DEFB106B: variants seen among roughly 807,000 people sequenced by gnomAD.
The protein encoded by DEFB106B is defensin beta 106B.
At chr8:7,484,101 T>C (rs951182225) in intron 1 of DEFB106B, among the ~76,000 whole-genome samples, 2 of 138,146 alleles carry the variant, frequency 1.4e-5, no homozygotes, top group African/African-American at 5.3e-5. Flanking sequence ...CTATACTATA[T>C]ACTAGAGTAT....
At chr8:7,483,820 C>G (rs1440225434) in intron 1 of DEFB106B, among the ~76,000 whole-genome samples, 1 of 132,152 alleles carries the variant, frequency 7.6e-6, no homozygotes, top group Non-Finnish European at 1.6e-5. Flanking sequence ...AGTATAGTAT[C>G]ATAGTATAGA....
chr8:7,485,985 A>ATCCTTACCTGTCCCTTC (rs2128881021), intron 1 of DEFB106B, among the ~76,000 whole-genome samples: 1 of 126,010 alleles, frequency 7.9e-6, no homozygotes, highest in African/African-American at 3.2e-5. Flanking sequence ...CTAAGCTCAG[A>ATCCTTACCTGTCCCTTC]TCCTTACCTG....
At position 7,484,126 on chromosome 8, in the gene DEFB106B, T is replaced by C. The variant is rs374117179; in HGVS notation, c.50-1374A>G. ...TACTAGAGTATTATACTAGTATATA[T>C]ACTATATACTAGAGTATTATAATAG... is the stretch of plus-strand genomic sequence containing the variant. On this transcript the variant is annotated intron_variant, in intron 1 of 1. Transcript: ENST00000335479. Among the ~76,000 whole-genome samples, 4 of 139,296 alleles carry C rather than the reference T, an allele frequency of 2.9e-5. No individual in the cohort carries two copies. In the East Asian group the frequency reaches 6.6e-4, roughly 23 times the overall value. 91.4% of individuals were successfully genotyped at this position (139,296 alleles called of 152,430 possible).
intron 1 of DEFB106B, among the ~76,000 whole-genome samples, chr8:7,484,272 C>T (rs1383183415): frequency 7.3e-6 from 1 of 136,350 alleles, no homozygotes; most frequent in Non-Finnish European, 1.5e-5. Context: ...GTATAATACA[C>T]TATACTATAT....
At position 7,482,829 on chromosome 8, in the gene DEFB106B, C is replaced by T. The variant is rs1170026884; in HGVS notation, c.50-77G>A. 2.1e-6 allele frequency: 3 copies of T among 1,445,830 alleles called. No individual in the cohort carries two copies. In the African/African-American group the frequency reaches 4.6e-5, roughly 22 times the overall value. 89.6% of individuals were successfully genotyped at this position (1,445,830 alleles called of 1,614,324 possible). A position where few individuals can be genotyped will look rare whatever the true frequency, so the allele number is the denominator to read the frequency against. ...TTTACCAGATACGGTTGTATGACTA[C>T]TTGGTGAAGATTTTTTCACAAGCTG... On this transcript the variant is annotated intron_variant, in intron 1 of 1. Coordinates refer to ENST00000335479, the MANE Select transcript of DEFB106B (RefSeq NM_001040704.2).
intron 1 of DEFB106B, among the ~76,000 whole-genome samples, chr8:7,484,347 A>C (rs1370324926): frequency 4.7e-5 from 7 of 148,584 alleles, no homozygotes; most frequent in African/African-American, 1.7e-4. Context: ...TATATACACT[A>C]TACTATATAC....
At chr8:7,484,954 A>G (rs1272292988) in intron 1 of DEFB106B, among the ~76,000 whole-genome samples, 1 of 86,648 alleles carries the variant, frequency 1.2e-5, no homozygotes, top group African/African-American at 4.7e-5. Flanking sequence ...CTAGTACAAT[A>G]CCATACTGTA....
At chr8:7,484,147 A>G (rs868483204) in intron 1 of DEFB106B, among the ~76,000 whole-genome samples, 1,562 of 137,942 alleles carry the variant, frequency 0.011, 12 homozygotes, top group African/African-American at 0.04. Flanking sequence ...AGAGTATTAT[A>G]ATAGTATATA....
At chr8:7,484,084 A>G (rs569815219) in intron 1 of DEFB106B, among the ~76,000 whole-genome samples, 51 of 127,154 alleles carry the variant, frequency 4.0e-4, no homozygotes, top group Middle Eastern at 0.01. Context: ...TCATACCAGT[A>G]TATATACTAT....
chr8:7,483,930 G>A (rs1430675078), intron 1 of DEFB106B, among the ~76,000 whole-genome samples: 1 of 128,130 alleles, frequency 7.8e-6, no homozygotes, highest in African/African-American at 3.0e-5. Context: ...ATATACTAGT[G>A]TGTTATAGTA....
intron 1 of DEFB106B, among the ~76,000 whole-genome samples, chr8:7,484,058 T>C (rs1356459717): frequency 2.5e-4 from 33 of 132,774 alleles, no homozygotes; most frequent in African/African-American, 8.3e-4. Context: ...AATAATATAG[T>C]ATATATACTA....
intron 1 of DEFB106B, among the ~76,000 whole-genome samples, chr8:7,484,430 A>G (rs1811410045): frequency 6.8e-6 from 1 of 147,076 alleles, no homozygotes; most frequent in Non-Finnish European, 1.5e-5. Context: ...TATACTATAT[A>G]CTAGAGTATT....
At chr8:7,484,485 T>C (rs1307639671) in intron 1 of DEFB106B, among the ~76,000 whole-genome samples, 1 of 138,832 alleles carries the variant, frequency 7.2e-6, no homozygotes, top group Non-Finnish European at 1.5e-5. Flanking sequence ...ATTATACTAG[T>C]ATGTATACTA....
In DEFB106B at chr8:7,484,381, A is replaced by T. The variant is rs1244246027; in HGVS notation, c.50-1629T>A. Among the ~76,000 whole-genome samples the T allele has an allele frequency of 4.1e-5, 6 of 147,926 alleles. No individual in the cohort carries two copies. In the East Asian group the frequency reaches 9.9e-4, roughly 24 times the overall value. On this transcript the variant is annotated intron_variant, in intron 1 of 1. Transcript: ENST00000335479. ...ACTAGTGTATTATACTAGTATATAC[A>T]CTATACTATATACTTGTGTATTATA...
chr8:7,484,295 T>C (rs372049644), intron 1 of DEFB106B, among the ~76,000 whole-genome samples: 6,378 of 113,980 alleles, frequency 0.056, 24 homozygotes, highest in African/African-American at 0.069. Context: ...TAGAGTATTA[T>C]ACTAGTATAT....
At chr8:7,484,412 A>G (rs1171622906) in intron 1 of DEFB106B, among the ~76,000 whole-genome samples, 6 of 148,124 alleles carry the variant, frequency 4.1e-5, no homozygotes, top group African/African-American at 1.5e-4. Context: ...TTATACTAGT[A>G]TATACACTAT....
intron 1 of DEFB106B, among the ~76,000 whole-genome samples, chr8:7,484,543 T>G (rs1227027058): frequency 5.7e-5 from 8 of 139,150 alleles, no homozygotes; most frequent in Non-Finnish European, 1.2e-4. Flanking sequence ...TATTACATAC[T>G]AGTATATAAT....
At position 7,486,385 on chromosome 8, in the gene DEFB106B, C is replaced by CT; in HGVS notation, c.-4dup. The stretch of plus-strand genomic sequence containing the variant: ...AAGAGAAAGAGGAAAGTCCTCATGA[C>CT]TGGGTGGGTCTTGAGAGATCAGCAC... On this transcript the variant is annotated 5_prime_UTR_variant, in exon 1 of 2. Transcript: ENST00000335479. The CT allele has an allele frequency of 6.6e-7, 1 of 1,519,386 alleles. No homozygotes were observed. Among genetic ancestry groups the CT allele is most frequent in the Non-Finnish European group, 9.0e-7 (1 of 1,105,094 alleles). The allele number at this position is 1,519,386 out of a possible 1,614,324, so 94.1% of individuals were successfully genotyped here.
Position 7,482,725 on chromosome 8 carries a change from C to T in DEFB106B, c.77G>A (p.Cys26Tyr), listed in dbSNP as rs199816698. ...CTTGCATGTCCCTTTAAGTTTGTTG[C>T]ATTTCTCATCAAAAAATGCATTCTT... Reference protein sequence around the residue: ...PAKNAFFDEKCNKLKGTCKNN... With the variant: ...PAKNAFFDEKYNKLKGTCKNN... Residue 26 changes from cysteine (C) to tyrosine (Y), a missense_variant, in exon 2 of 2, where the codon TGC becomes TAC. Physicochemically the swap from Cys to Tyr is radical, Grantham distance 194. Transcript: ENST00000335479. 2.7e-4 allele frequency: 403 copies of T among 1,469,938 alleles called. No homozygotes were observed. The highest frequency in any genetic ancestry group is 3.3e-4 in the Non-Finnish European group (361 of 1,089,896). The allele number at this position is 1,469,938 out of a possible 1,614,324, so 91.1% of individuals were successfully genotyped here. A position where few individuals can be genotyped will look rare whatever the true frequency, so the allele number is the denominator to read the frequency against.
Sources: gnomAD v4.1 joint callset for allele counts (sites outside exome capture counted in the v4.1 genomes callset) on GRCh38, gnomAD v4.1.1 for gene constraint, MANE v1.5 for transcripts, NCBI Gene and HGNC (gene_info 2026-07-23, HGNC 2026-07-21) for gene names.